FBN2: variants seen among roughly 807,000 people sequenced by gnomAD.
FBN2 encodes fibrillin 2.
FBN2 carries 105 observed loss-of-function variants against 355.6 expected under a neutral mutation model. That is an observed-to-expected ratio of 0.30 (90% CI 0.25 to 0.35). FBN2 has a LOEUF of 0.35. Among genes scored for constraint, FBN2 ranks in the 10% least tolerant of loss-of-function variants. The pLI, the probability that FBN2 is intolerant of heterozygous loss-of-function variation, is 1.00. For missense variants in FBN2, 3,280 were observed against 3,758.7 expected (o/e 0.87, Z 3.33); for synonymous variants, 1,350 against 1,301.2 (o/e 1.04, Z -0.81).
At chr5:128,384,892 G>A (rs908404606) in intron 11 of FBN2, among the ~76,000 whole-genome samples, 1 of 151,992 alleles carries the variant, frequency 6.6e-6, no homozygotes, top group East Asian at 1.9e-4. Context: ...ACTTCTTTAA[G>A]ACTTTGAACT....
intron 4 of FBN2, among the ~76,000 whole-genome samples, chr5:128,525,546 T>C (rs998646241): frequency 6.6e-6 from 1 of 152,060 alleles, no homozygotes; most frequent in East Asian, 1.9e-4. Context: ...TTTCTTAGCC[T>C]CCCCTGGCCA....
chr5:128,364,039 T>C (rs1323003951), intron 18 of FBN2, among the ~76,000 whole-genome samples: 1 of 152,240 alleles, frequency 6.6e-6, no homozygotes, highest in Non-Finnish European at 1.5e-5. Flanking sequence ...AAGTGCTTTA[T>C]GGGAAAATCT....
chr5:128,489,852 A>G (rs1755452120), intron 5 of FBN2, among the ~76,000 whole-genome samples: 1 of 152,192 alleles, frequency 6.6e-6, no homozygotes, highest in Non-Finnish European at 1.5e-5. Context: ...TATAACCAGG[A>G]AGCCAATATT....
chr5:128,312,491 A>G (rs1581208363), intron 37 of FBN2, 143 bp downstream of exon 37: 20 of 814,076 alleles, frequency 2.5e-5, no homozygotes, highest in Non-Finnish European at 3.6e-5. Context: ...GGCTGGTTTC[A>G]GAGTGATCAC....
At chr5:128,536,010 TCAAG>T (rs1756836746) in intron 2 of FBN2, among the ~76,000 whole-genome samples, 1 of 152,278 alleles carries the variant, frequency 6.6e-6, no homozygotes, top group South Asian at 2.1e-4. Context: ...GGCCCAAACC[TCAAG>T]CAGAGTTAAA....
chr5:128,290,962 C>T (rs1190474218), intron 49 of FBN2, 78 bp from the exon 50 acceptor site: 7 of 1,387,890 alleles, frequency 5.0e-6, no homozygotes, highest in South Asian at 3.5e-5. Context: ...TTGTAGAACA[C>T]GGGATGCAGA....
chr5:128,316,335 C>T (rs1022747842), intron 36 of FBN2, among the ~76,000 whole-genome samples: 1 of 152,046 alleles, frequency 6.6e-6, no homozygotes, highest in Non-Finnish European at 1.5e-5. Context: ...GATGATAAAA[C>T]GTCAAAATGT....
chr5:128,372,620 T>C (rs916438012), intron 15 of FBN2, among the ~76,000 whole-genome samples: 2 of 152,228 alleles, frequency 1.3e-5, no homozygotes, highest in South Asian at 4.1e-4. Context: ...GCCTCCCAAG[T>C]AGCTGGAATT....
At chr5:128,469,291 G>C (rs1472515768) in intron 5 of FBN2, among the ~76,000 whole-genome samples, 3 of 152,144 alleles carry the variant, frequency 2.0e-5, no homozygotes, top group Non-Finnish European at 4.4e-5. Flanking sequence ...TCATGTAAGA[G>C]AGGAGATTGG....
Position 128,259,248 on chromosome 5 carries a change from C to A in FBN2, c.*207G>T. The A allele has an allele frequency of 1.7e-6, 1 of 595,168 alleles. No individual in the cohort carries two copies. The highest frequency in any genetic ancestry group is 2.9e-5 in the East Asian group (1 of 35,040). 36.9% of individuals were successfully genotyped at this position (595,168 alleles called of 1,614,324 possible). ...GAAGTTATATAAAAAATACAGTAAC[C>A]ACGGTTGCCTTTGTGCTCAAATCTT... On this transcript the variant is annotated 3_prime_UTR_variant, in exon 65 of 65. Coordinates refer to ENST00000262464, the MANE Select transcript of FBN2 (RefSeq NM_001999.4).
In FBN2 at chr5:128,445,233, A is replaced by G. The variant is rs148914043; in HGVS notation, c.952+1248T>C. Among the ~76,000 whole-genome samples, 969 of 152,342 alleles carry G rather than the reference A, an allele frequency of 6.4e-3. 11 individuals are homozygous for G. The highest frequency in any genetic ancestry group is 0.022 in the African/African-American group (909 of 41,570). ...ATTTATTTGGTCCTTAAAATAATCA[A>G]CTATGTTTTTTTAAACTTTCTTCCT... On this transcript the variant is annotated intron_variant, in intron 7 of 64. Transcript: ENST00000262464.
At chr5:128,314,462 T>A (rs2126849827) in intron 36 of FBN2, among the ~76,000 whole-genome samples, 1 of 152,050 alleles carries the variant, frequency 6.6e-6, no homozygotes, top group African/African-American at 2.4e-5. Flanking sequence ...GGACTACAGG[T>A]GCCTGCCACC....
Position 128,373,628 on chromosome 5 carries a change from C to T in FBN2, c.2095+1000G>A, listed in dbSNP as rs527693833. 6.6e-5 allele frequency among the ~76,000 whole-genome samples: 10 copies of T among 152,234 alleles called. No homozygotes were observed. The East Asian group carries it at 9.6e-4, about 15-fold the overall frequency. On this transcript the variant is annotated intron_variant, in intron 15 of 64. Coordinates refer to ENST00000262464, the MANE Select transcript of FBN2 (RefSeq NM_001999.4). ...ATGAAAAATAGAGGGTATACAATGGCTAATTCACCCTAGAAGCCTCATGAA... is the reference window on the plus strand; with the variant it reads ...ATGAAAAATAGAGGGTATACAATGGTTAATTCACCCTAGAAGCCTCATGAA...
intron 62 of FBN2, among the ~76,000 whole-genome samples, chr5:128,266,599 G>A (rs903032617): frequency 3.3e-5 from 5 of 152,068 alleles, no homozygotes; most frequent in Non-Finnish European, 7.4e-5. Context: ...TTTGTGCTAG[G>A]TGTTCAGAAA....
chr5:128,525,746 T>C (rs144096945), intron 4 of FBN2, among the ~76,000 whole-genome samples: 135 of 152,324 alleles, frequency 8.9e-4, no homozygotes, highest in African/African-American at 3.0e-3. Context: ...AGGCCAGATC[T>C]AGGCCACTGC....
chr5:128,400,442 T>C (rs1485157971), intron 8 of FBN2, among the ~76,000 whole-genome samples: 1 of 152,158 alleles, frequency 6.6e-6, no homozygotes, highest in Non-Finnish European at 1.5e-5. Flanking sequence ...AATATTTACA[T>C]GACTTTTTCA....
At chr5:128,529,138 T>C (rs1357300814) in intron 3 of FBN2, among the ~76,000 whole-genome samples, 1 of 152,140 alleles carries the variant, frequency 6.6e-6, no homozygotes, top group Admixed American at 6.6e-5. Context: ...TGAGTGGAGA[T>C]GTCAAATGGG....
chr5:128,528,814 T>C (rs1756635181), intron 3 of FBN2, among the ~76,000 whole-genome samples: 1 of 152,232 alleles, frequency 6.6e-6, no homozygotes, highest in African/African-American at 2.4e-5. Context: ...AAGATTACTC[T>C]AGCTGCTCTG....
intron 11 of FBN2, among the ~76,000 whole-genome samples, chr5:128,382,763 A>G (rs967451606): frequency 1.3e-5 from 2 of 152,032 alleles, no homozygotes; most frequent in African/African-American, 4.8e-5. Flanking sequence ...TCTATCGATT[A>G]ACCTCCCAAG....
Sources: gnomAD v4.1 joint callset for allele counts (sites outside exome capture counted in the v4.1 genomes callset) on GRCh38, gnomAD v4.1.1 for gene constraint, MANE v1.5 for transcripts, NCBI Gene and HGNC (gene_info 2026-07-23, HGNC 2026-07-21) for gene names.